Variants in RBMS1 observed in about 807,000 individuals in gnomAD.
RBMS1 encodes the protein RNA binding motif single stranded interacting protein 1.
Under a neutral mutation model 62.3 loss-of-function variants are expected in RBMS1, and 17 were observed. The observed-to-expected ratio is 0.27, with a 90% CI of 0.19 to 0.41. RBMS1 has a LOEUF of 0.41. RBMS1 is among the 10% of genes least tolerant of loss of function. The pLI is 1.00. For missense variants in RBMS1, 334 were observed against 504.5 expected (o/e 0.66, Z 3.24); for synonymous variants, 172 against 170.0 (o/e 1.01, Z -0.09).
At chr2:160,355,894 A>G (rs1692768438) in intron 2 of RBMS1, among the ~76,000 whole-genome samples, 1 of 152,142 alleles carries the variant, frequency 6.6e-6, no homozygotes, top group African/African-American at 2.4e-5. Flanking sequence ...TCAGTGCAGT[A>G]TCTAGAAAAA....
At chr2:160,415,488 T>TA (rs1559525756) in intron 1 of RBMS1, among the ~76,000 whole-genome samples, 4 of 150,208 alleles carry the variant, frequency 2.7e-5, no homozygotes, top group South Asian at 2.1e-4. Context: ...CTTAGGAAAT[T>TA]TAAAAAAAAA....
intron 1 of RBMS1, among the ~76,000 whole-genome samples, chr2:160,405,398 T>C (rs553212730): frequency 5.3e-5 from 8 of 152,160 alleles, no homozygotes; most frequent in Admixed American, 4.6e-4. Flanking sequence ...AACTGCAAGG[T>C]TGAAGCTTAA....
intron 6 of RBMS1, among the ~76,000 whole-genome samples, chr2:160,291,313 C>T (rs939308189): frequency 7.9e-5 from 12 of 152,124 alleles, no homozygotes; most frequent in African/African-American, 2.7e-4. Flanking sequence ...AAAATGTAAA[C>T]TGCCCTTGAT....
intron 1 of RBMS1, among the ~76,000 whole-genome samples, chr2:160,426,289 GA>G (rs1553522594): frequency 0.014 from 1,042 of 73,354 alleles, 3 homozygotes; most frequent in East Asian, 0.024. Flanking sequence ...AAGAAAGAAA[GA>G]AAAGAAAGAA....
chr2:160,336,891 G>A (rs1040825692), intron 2 of RBMS1, among the ~76,000 whole-genome samples: 2 of 152,114 alleles, frequency 1.3e-5, no homozygotes, highest in Admixed American at 6.6e-5. Flanking sequence ...TAGTAGCTTG[G>A]CACCATTTAA....
rs943824812 is a variant in RBMS1 at position 160,433,127 on chromosome 2, C to A, written c.75+60162G>T. On this transcript the variant is annotated intron_variant, in intron 1 of 13. Coordinates refer to ENST00000348849, the MANE Select transcript of RBMS1 (RefSeq NM_016836.4). Reference sequence around the variant, plus strand: ...TACGAATATTAAAAAAAAAAAAAATCTTTAGACTGAGTGAGGTAGCTCACA... The same window carrying A: ...TACGAATATTAAAAAAAAAAAAAATATTTAGACTGAGTGAGGTAGCTCACA... Among the ~76,000 whole-genome samples the A allele has an allele frequency of 2.6e-5, 4 of 151,330 alleles. No individual in the cohort carries two copies. In the East Asian group the frequency reaches 5.8e-4, roughly 22 times the overall value.
At chr2:160,483,867 T>G (rs1242697648) in intron 1 of RBMS1, among the ~76,000 whole-genome samples, 1 of 152,020 alleles carries the variant, frequency 6.6e-6, no homozygotes, top group East Asian at 1.9e-4. Flanking sequence ...GGACACTGGC[T>G]TTTGTGCAGC....
chr2:160,436,016 A>G (rs774105721), intron 1 of RBMS1, among the ~76,000 whole-genome samples: 3 of 152,242 alleles, frequency 2.0e-5, no homozygotes, highest in Non-Finnish European at 2.9e-5. Flanking sequence ...CATGATTGCT[A>G]CTTGACTTGA....
chr2:160,479,310 G>T (rs530659840), intron 1 of RBMS1, among the ~76,000 whole-genome samples: 1 of 152,376 alleles, frequency 6.6e-6, no homozygotes, highest in East Asian at 1.9e-4. Flanking sequence ...GGGCTACCCA[G>T]CTCATCTACA....
chr2:160,286,830 A>G, intron 7 of RBMS1, 139 bp downstream of exon 7: 1 of 1,492,478 alleles, frequency 6.7e-7, no homozygotes, highest in Non-Finnish European at 8.9e-7. Context: ...ATTATAATGT[A>G]CCGAAAGGAA....
intron 1 of RBMS1, among the ~76,000 whole-genome samples, chr2:160,443,801 T>C (rs1389905643): frequency 2.0e-5 from 3 of 152,218 alleles, no homozygotes; most frequent in African/African-American, 4.8e-5. Flanking sequence ...GTGCTTTCTG[T>C]CACATTTTAA....
At chr2:160,399,897 T>G (rs1294508097) in intron 1 of RBMS1, among the ~76,000 whole-genome samples, 1 of 152,172 alleles carries the variant, frequency 6.6e-6, no homozygotes, top group African/African-American at 2.4e-5. Context: ...TGAGGCTACA[T>G]ATTTGCTCCC....
At chr2:160,452,433 T>G (rs969878862) in intron 1 of RBMS1, among the ~76,000 whole-genome samples, 2 of 152,228 alleles carry the variant, frequency 1.3e-5, no homozygotes, top group Non-Finnish European at 2.9e-5. Flanking sequence ...CCCTGTATAT[T>G]TAAATGATCT....
intron 1 of RBMS1, among the ~76,000 whole-genome samples, chr2:160,401,015 T>C (rs746717576): frequency 4.0e-4 from 61 of 152,168 alleles, no homozygotes; most frequent in Admixed American, 7.2e-4. Context: ...TGTCTTTTTC[T>C]TGATAGCCAA....
intron 2 of RBMS1, among the ~76,000 whole-genome samples, chr2:160,361,601 T>C (rs924562111): frequency 3.3e-5 from 5 of 152,234 alleles, no homozygotes; most frequent in African/African-American, 1.2e-4. Context: ...TACACTATAT[T>C]GTAGCTTATT....
intron 10 of RBMS1, among the ~76,000 whole-genome samples, chr2:160,279,991 TTC>T (rs1329809615): frequency 9.2e-5 from 14 of 152,346 alleles, no homozygotes; most frequent in Admixed American, 6.5e-4. Flanking sequence ...CATTAATACA[TTC>T]TGTTAGAAAT....
At chr2:160,309,552 C>G (rs1689732525) in intron 4 of RBMS1, among the ~76,000 whole-genome samples, 1 of 152,104 alleles carries the variant, frequency 6.6e-6, no homozygotes, top group African/African-American at 2.4e-5. Context: ...TGAAGATAGA[C>G]CATTAGATTA....
intron 1 of RBMS1, among the ~76,000 whole-genome samples, chr2:160,443,531 G>A (rs1201477375): frequency 1.3e-5 from 2 of 151,908 alleles, no homozygotes. Context: ...ACCGAGATCT[G>A]GTCATTTAAA....
At chr2:160,294,315 A>C (rs1381768146) in intron 6 of RBMS1, among the ~76,000 whole-genome samples, 1 of 152,224 alleles carries the variant, frequency 6.6e-6, no homozygotes, top group Non-Finnish European at 1.5e-5. Context: ...GCATTTCAGA[A>C]AGCAGACGGC....
Sources: gnomAD v4.1 joint callset for allele counts (sites outside exome capture counted in the v4.1 genomes callset) on GRCh38, gnomAD v4.1.1 for gene constraint, MANE v1.5 for transcripts, NCBI Gene and HGNC (gene_info 2026-07-23, HGNC 2026-07-21) for gene names.